Variants in SOBP observed in about 807,000 individuals in gnomAD.
SOBP encodes sine oculis binding protein homolog.
A neutral mutation model predicts 53.6 loss-of-function variants in SOBP; 4 were observed. That is an observed-to-expected ratio of 0.07 (90% confidence interval 0.04 to 0.17). SOBP has a LOEUF of 0.17. SOBP is among the 10% of genes least tolerant of loss of function. SOBP has a pLI of 1.00. For synonymous variants in SOBP, 584 were observed against 522.6 expected, an observed-to-expected ratio of 1.12 and a Z score of -1.60; for missense variants, 1,088 against 1,204.7, an observed-to-expected ratio of 0.90 and a Z score of 1.43.
chr6:107,503,079 T>C (rs1203476810), intron 1 of SOBP, among the ~76,000 whole-genome samples: 2 of 152,180 alleles, frequency 1.3e-5, no homozygotes, highest in African/African-American at 2.4e-5. Context: ...AAAAAACTCT[T>C]GCAGAAGGAA....
At chr6:107,607,042 G>T (rs1176857985) in intron 5 of SOBP, among the ~76,000 whole-genome samples, 5 of 152,202 alleles carry the variant, frequency 3.3e-5, no homozygotes, top group African/African-American at 1.2e-4. Context: ...AAGCACTGGG[G>T]CTGGTGAGCA....
At chr6:107,521,897 G>A (rs1783501493) in intron 3 of SOBP, among the ~76,000 whole-genome samples, 1 of 146,638 alleles carries the variant, frequency 6.8e-6, no homozygotes, top group Non-Finnish European at 1.5e-5. Context: ...TGGTGGAAGA[G>A]ACAGACATTA....
intron 5 of SOBP, among the ~76,000 whole-genome samples, chr6:107,606,474 G>A (rs1247080119): frequency 1.3e-5 from 2 of 152,086 alleles, no homozygotes; most frequent in Non-Finnish European, 2.9e-5. Flanking sequence ...CAGCAGGGAT[G>A]CAGCATTCAA....
At chr6:107,542,127 T>G (rs1784165694) in intron 4 of SOBP, among the ~76,000 whole-genome samples, 1 of 152,110 alleles carries the variant, frequency 6.6e-6, no homozygotes, top group South Asian at 2.1e-4. Flanking sequence ...CTTTGTAATA[T>G]GATTTCAGGT....
At chr6:107,495,794 T>C (rs1241898446) in intron 1 of SOBP, among the ~76,000 whole-genome samples, 1 of 152,180 alleles carries the variant, frequency 6.6e-6, no homozygotes, top group Non-Finnish European at 1.5e-5. Context: ...TTTTATATCT[T>C]ATATAAAATT....
chr6:107,523,747 A>G (rs1428624730), intron 3 of SOBP, among the ~76,000 whole-genome samples: 2 of 152,172 alleles, frequency 1.3e-5, no homozygotes, highest in Non-Finnish European at 2.9e-5. Flanking sequence ...ACACCTGCCT[A>G]CTACAGTCAC....
At chr6:107,654,273 C>T (rs1399025553) in intron 6 of SOBP, among the ~76,000 whole-genome samples, 1 of 152,118 alleles carries the variant, frequency 6.6e-6, no homozygotes, top group Non-Finnish European at 1.5e-5. Context: ...AAGAAATGGG[C>T]TTTTATTTGT....
chr6:107,528,434 C>T (rs1473929345), intron 3 of SOBP, among the ~76,000 whole-genome samples: 1 of 152,110 alleles, frequency 6.6e-6, no homozygotes, highest in African/African-American at 2.4e-5. Flanking sequence ...TATTGCTTGC[C>T]TGTGGGTAGA....
rs111791564 is a variant in SOBP, at chr6:107,513,378, C to T, written c.421+6951C>T. On this transcript the variant is annotated intron_variant, in intron 3 of 6. Transcript: ENST00000317357. Reference sequence around the variant, plus strand: ...ATTAGCTTAACGGAGAATATGGAAACAGTCACGTGATCTGCTAACCTCTAT... The same window carrying T: ...ATTAGCTTAACGGAGAATATGGAAATAGTCACGTGATCTGCTAACCTCTAT... 5.7e-4 allele frequency among the ~76,000 whole-genome samples: 87 copies of T among 152,262 alleles called. 2 individuals carry two copies. The highest frequency in any genetic ancestry group is 2.0e-3 in the African/African-American group (84 of 41,560).
intron 6 of SOBP, among the ~76,000 whole-genome samples, chr6:107,637,314 C>T (rs1385338560): frequency 6.6e-6 from 1 of 152,220 alleles, no homozygotes; most frequent in East Asian, 1.9e-4. Context: ...GCTTGGGAAG[C>T]ACAGACCAGA....
chr6:107,496,407 G>A (rs1583139122), intron 1 of SOBP, among the ~76,000 whole-genome samples: 4 of 152,264 alleles, frequency 2.6e-5, no homozygotes, highest in South Asian at 2.1e-4. Context: ...GTATCACGAC[G>A]AGACAGTAAA....
At chr6:107,527,505 T>G (rs150583164) in intron 3 of SOBP, among the ~76,000 whole-genome samples, 3,830 of 152,294 alleles carry the variant, frequency 0.025, 66 homozygotes, top group South Asian at 0.066. Context: ...CCAGATTGCA[T>G]ACAGCTGACA....
intron 1 of SOBP, among the ~76,000 whole-genome samples, chr6:107,502,522 T>C (rs1401357671): frequency 6.6e-6 from 1 of 152,234 alleles, no homozygotes. Context: ...ATTATACTTA[T>C]TATTTTTGAA....
chr6:107,503,645 C>T lies in SOBP; in HGVS notation c.97-12C>T. On this transcript the variant is annotated splice_polypyrimidine_tract_variant and intron_variant, in intron 1 of 6. Coordinates refer to ENST00000317357, the MANE Select transcript of SOBP (RefSeq NM_018013.4). ...TTATAGAAATAAGTAGTAGCCTATG[C>T]TTCTCTTTCAGAACTTTGCAGAAAA... The T allele has an allele frequency of 6.2e-7, 1 of 1,613,888 alleles. No homozygotes were observed. Among genetic ancestry groups the T allele is most frequent in the Non-Finnish European group, 8.5e-7 (1 of 1,179,776 alleles).
At chr6:107,508,682 C>A (rs936418133) in intron 3 of SOBP, among the ~76,000 whole-genome samples, 4 of 152,188 alleles carry the variant, frequency 2.6e-5, no homozygotes, top group Non-Finnish European at 4.4e-5. Context: ...CTACTAATTA[C>A]TAATGTAATT....
Position 107,659,019 on chromosome 6 carries a change from C to G in SOBP, c.*816C>G, listed in dbSNP as rs1463409678. 6.6e-6 allele frequency: 1 copy of G among 152,524 alleles called. No homozygotes were observed. 9.4% of individuals were successfully genotyped at this position (152,524 alleles called of 1,614,324 possible). ...CTCTTTAAATTCCCCTAAATAGCGC[C>G]CCATTTGGGAACAGAGCAAGAGTGT... On this transcript the variant is annotated 3_prime_UTR_variant, in exon 7 of 7. Transcript: ENST00000317357.
chr6:107,542,234 G>A (rs1784168190), intron 4 of SOBP, among the ~76,000 whole-genome samples: 1 of 152,134 alleles, frequency 6.6e-6, no homozygotes. Context: ...TTTTGAGGAG[G>A]TGACGTGTGC....
chr6:107,497,041 A>G (rs1782719284), intron 1 of SOBP, among the ~76,000 whole-genome samples: 1 of 152,224 alleles, frequency 6.6e-6, no homozygotes. Flanking sequence ...TGGAACTTGA[A>G]CAAGGCTTCT....
intron 5 of SOBP, among the ~76,000 whole-genome samples, chr6:107,613,235 C>A (rs1786663213): frequency 6.6e-6 from 1 of 152,196 alleles, no homozygotes; most frequent in East Asian, 1.9e-4. Flanking sequence ...GGGGTCAAGG[C>A]TGTAGCCACT....
Sources: gnomAD v4.1 joint callset for allele counts (sites outside exome capture counted in the v4.1 genomes callset) on GRCh38, gnomAD v4.1.1 for gene constraint, MANE v1.5 for transcripts, NCBI Gene and HGNC (gene_info 2026-07-23, HGNC 2026-07-21) for gene names.